Variants in ANKRD44 observed in about 807,000 individuals in gnomAD.
The protein encoded by ANKRD44 is serine/threonine-protein phosphatase 6 regulatory ankyrin repeat subunit B.
In ANKRD44, 35 loss-of-function variants were observed where a neutral mutation model predicts 116.0. That is an observed-to-expected ratio of 0.30 (90% CI 0.23 to 0.40). ANKRD44 has a LOEUF of 0.40. ANKRD44 is among the 10% of genes least tolerant of loss of function. ANKRD44 has a pLI of 1.00. For synonymous variants in ANKRD44, 435 were observed against 461.8 expected, an observed-to-expected ratio of 0.94 and a Z score of 0.74; for missense variants, 1,014 against 1,242.6, an observed-to-expected ratio of 0.82 and a Z score of 2.77.
At chr2:197,183,825 C>T (rs536492984) in intron 2 of ANKRD44, among the ~76,000 whole-genome samples, 2 of 152,314 alleles carry the variant, frequency 1.3e-5, no homozygotes, top group South Asian at 2.1e-4. Context: ...TTCTCTCCCT[C>T]CCTCCATCCC....
chr2:197,014,784 CA>C (rs370169126), intron 17 of ANKRD44, among the ~76,000 whole-genome samples: 43 of 123,444 alleles, frequency 3.5e-4, no homozygotes, highest in South Asian at 5.0e-4. Flanking sequence ...ACTCTGTCTC[CA>C]AAAAAAAAAA....
At chr2:197,172,287 C>G (rs1034578063) in intron 2 of ANKRD44, among the ~76,000 whole-genome samples, 1 of 152,104 alleles carries the variant, frequency 6.6e-6, no homozygotes, top group Non-Finnish European at 1.5e-5. Context: ...CAGGTGTGAG[C>G]CACCACGCCC....
At chr2:197,285,173 G>A (rs895904605) in intron 1 of ANKRD44, among the ~76,000 whole-genome samples, 1 of 151,940 alleles carries the variant, frequency 6.6e-6, no homozygotes, top group Admixed American at 6.6e-5. Flanking sequence ...AGGGAGTTTA[G>A]GTTATGTAAG....
At chr2:197,174,433 T>C (rs2080316297) in intron 2 of ANKRD44, among the ~76,000 whole-genome samples, 1 of 152,202 alleles carries the variant, frequency 6.6e-6, no homozygotes, top group Non-Finnish European at 1.5e-5. Flanking sequence ...CTGGAACATA[T>C]AATGTTGAGT....
chr2:197,085,888 G>A (rs1574427486), intron 13 of ANKRD44, among the ~76,000 whole-genome samples: 1 of 152,008 alleles, frequency 6.6e-6, no homozygotes, highest in African/African-American at 2.4e-5. Flanking sequence ...GGTCTGGATG[G>A]GGACCCCTTT....
At chr2:197,192,342 G>A (rs987223106) in intron 1 of ANKRD44, among the ~76,000 whole-genome samples, 2 of 152,112 alleles carry the variant, frequency 1.3e-5, no homozygotes, top group African/African-American at 4.8e-5. Flanking sequence ...GTGTTTTTCT[G>A]ATTAGATCGG....
At chr2:197,086,130 A>G (rs2077916570) in intron 13 of ANKRD44, among the ~76,000 whole-genome samples, 1 of 151,118 alleles carries the variant, frequency 6.6e-6, no homozygotes, top group South Asian at 2.1e-4. Context: ...GTAGAAAGGA[A>G]GGGTAAAGAG....
At chr2:197,005,172 T>C (rs951527089) in intron 21 of ANKRD44, among the ~76,000 whole-genome samples, 4 of 152,150 alleles carry the variant, frequency 2.6e-5, no homozygotes, top group African/African-American at 9.6e-5. Flanking sequence ...TACTTTGGAA[T>C]TGGTATAATT....
intron 16 of ANKRD44, among the ~76,000 whole-genome samples, chr2:197,076,770 C>T (rs550759446): frequency 6.6e-6 from 1 of 152,190 alleles, no homozygotes; most frequent in South Asian, 2.1e-4. Context: ...GTTTCTTGCT[C>T]CTGTGTTTGT....
At chr2:197,144,051 C>T (rs998164217) in intron 3 of ANKRD44, among the ~76,000 whole-genome samples, 7 of 152,196 alleles carry the variant, frequency 4.6e-5, no homozygotes, top group African/African-American at 1.2e-4. Context: ...AATCCAGATT[C>T]GACCAGTTCC....
At chr2:196,975,666 C>A in intron 21 of ANKRD44, among the ~76,000 whole-genome samples, 1 of 150,296 alleles carries the variant, frequency 6.7e-6, no homozygotes. Context: ...TGGCACACAC[C>A]TGTAATCCCA....
Position 197,007,829 on chromosome 2 carries a change from C to T in ANKRD44, c.2107G>A (p.Gly703Arg), listed in dbSNP as rs1297053579. 9.3e-6 allele frequency: 15 copies of T among 1,613,362 alleles called. 1 individual carries two copies. The highest frequency in any genetic ancestry group is 1.3e-5 in the Non-Finnish European group (15 of 1,179,450). ...EANVDTVDIL[G>R]CTALHRGIMT... ...ACCCCTCTGTGTAAAGCTGTGCATCCTAGGATGTCAACAGTGTCTACGTTG... is the reference window on the plus strand; with the variant it reads ...ACCCCTCTGTGTAAAGCTGTGCATCTTAGGATGTCAACAGTGTCTACGTTG... Residue 703 changes from glycine (G) to arginine (R), a missense_variant, in exon 20 of 28, where the codon GGA (glycine) becomes AGA (arginine). Transcript: ENST00000282272.
At chr2:197,033,577 A>G (rs917376204) in intron 16 of ANKRD44, among the ~76,000 whole-genome samples, 1 of 152,104 alleles carries the variant, frequency 6.6e-6, no homozygotes, top group Non-Finnish European at 1.5e-5. Context: ...ATGCCTTCCA[A>G]TCAACTGATA....
chr2:197,099,660 G>C, intron 10 of ANKRD44, 156 bp downstream of exon 10: 4 of 1,325,020 alleles, frequency 3.0e-6, no homozygotes, highest in Non-Finnish European at 1.9e-6. Flanking sequence ...GTCATTAAAA[G>C]GCACTTAATT....
chr2:197,236,713 C>CAAAAAAAAA (rs71012964), intron 1 of ANKRD44, among the ~76,000 whole-genome samples: 3 of 105,240 alleles, frequency 2.9e-5, no homozygotes, highest in Non-Finnish European at 4.1e-5. Context: ...ACAAACTACT[C>CAAAAAAAAA]AAAAAAAAAA....
chr2:197,057,450 A>G (rs996656622), intron 16 of ANKRD44, among the ~76,000 whole-genome samples: 2 of 151,968 alleles, frequency 1.3e-5, no homozygotes, highest in Admixed American at 1.3e-4. Context: ...TTTTGCTTCT[A>G]CCTTGGGGAA....
chr2:197,091,982 G>A (rs1187800694), intron 10 of ANKRD44, among the ~76,000 whole-genome samples: 1 of 152,148 alleles, frequency 6.6e-6, no homozygotes, highest in African/African-American at 2.4e-5. Flanking sequence ...CAGTCACCAG[G>A]ATGACCCCTT....
At chr2:197,288,321 TCA>T (rs1273029792) in intron 1 of ANKRD44, among the ~76,000 whole-genome samples, 1 of 152,186 alleles carries the variant, frequency 6.6e-6, no homozygotes, top group Non-Finnish European at 1.5e-5. Flanking sequence ...ATATAAAGTT[TCA>T]CAGATGCTGG....
intron 15 of ANKRD44, among the ~76,000 whole-genome samples, chr2:197,079,353 G>A (rs923007407): frequency 6.6e-6 from 1 of 152,160 alleles, no homozygotes; most frequent in African/African-American, 2.4e-5. Flanking sequence ...TTTAAAGAAT[G>A]AAGAATTAAC....
Sources: allele counts gnomAD v4.1 joint callset (sites outside exome capture counted in the v4.1 genomes callset), GRCh38; gene constraint gnomAD v4.1.1; transcripts MANE v1.5; gene names NCBI Gene and HGNC (gene_info 2026-07-23, HGNC 2026-07-21).